Variants in TSHZ3 observed in about 807,000 individuals in gnomAD.
TSHZ3 encodes teashirt homolog 3.
Under a neutral mutation model 64.5 loss-of-function variants are expected in TSHZ3, and 10 were observed. The observed-to-expected ratio is 0.16, with a 90% CI of 0.10 to 0.26. TSHZ3 has a LOEUF of 0.26. Among genes scored for constraint, TSHZ3 ranks in the 10% least tolerant of loss-of-function variants. The pLI, the probability that TSHZ3 is intolerant of heterozygous loss-of-function variation, is 1.00. For synonymous variants in TSHZ3, 608 were observed against 593.1 expected (o/e 1.03, Z -0.36); for missense variants, 1,242 against 1,421.7 (o/e 0.87, Z 2.03).
At chr19:31,190,300 G>T (rs930940009) in intron 5 of TSHZ3, among the ~76,000 whole-genome samples, 5 of 152,242 alleles carry the variant, frequency 3.3e-5, no homozygotes, top group East Asian at 1.9e-4. Flanking sequence ...GACCTTGGAG[G>T]GGGGAAAGAA....
chr19:31,152,575 C>T (rs1032159576), intron 6 of TSHZ3, among the ~76,000 whole-genome samples: 1 of 152,088 alleles, frequency 6.6e-6, no homozygotes, highest in African/African-American at 2.4e-5. Flanking sequence ...CTGGACCTCA[C>T]CAAGGATGTT....
rs1160334453 is a variant in TSHZ3 at position 31,340,338 on chromosome 19, CAAAAAAAAAAAAA to C, written c.40+8829_40+8841del. 1.8e-4 allele frequency among the ~76,000 whole-genome samples: 6 copies of C among 32,754 alleles called. No individual in the cohort carries two copies. In the South Asian group the frequency reaches 9.1e-3, roughly 50 times the overall value. The allele number at this position is 32,754 out of a possible 152,430, so 21.5% of individuals were successfully genotyped here. ...ATTAATTAGCAACAGGCCTACAGTACAAAAAAAAAAAAAAAAAAAAAAAAAACCACAGACTTCC... is the reference window on the plus strand; with the variant it reads ...ATTAATTAGCAACAGGCCTACAGTACAAAAAAAAAAAAACCACAGACTTCC... On this transcript the variant is annotated intron_variant, in intron 1 of 1. Coordinates refer to ENST00000240587, the MANE Select transcript of TSHZ3 (RefSeq NM_020856.4).
chr19:31,165,388 C>A (rs1458742276), intron 5 of TSHZ3, among the ~76,000 whole-genome samples: 1 of 152,042 alleles, frequency 6.6e-6, no homozygotes, highest in African/African-American at 2.4e-5. Flanking sequence ...CATTTTTTTT[C>A]ATGACATGAA....
At chr19:31,341,627 T>A (rs1189339773) in intron 1 of TSHZ3, among the ~76,000 whole-genome samples, 313 of 116,692 alleles carry the variant, frequency 2.7e-3, no homozygotes, top group Non-Finnish European at 4.0e-3. Flanking sequence ...TCTCTCTCTC[T>A]CTGACACACA....
downstream of TSHZ3, among the ~76,000 whole-genome samples, chr19:31,274,446 C>T (rs2145208424): frequency 6.6e-6 from 1 of 152,230 alleles, no homozygotes; most frequent in Non-Finnish European, 1.5e-5. Flanking sequence ...AACCTTGGGA[C>T]CCCAAAGTCT....
At chr19:31,306,524 T>C (rs934802106) in intron 1 of TSHZ3, among the ~76,000 whole-genome samples, 2 of 152,204 alleles carry the variant, frequency 1.3e-5, no homozygotes, top group African/African-American at 4.8e-5. Context: ...CACGTGCACG[T>C]GCGTGGGTGC....
In TSHZ3 at chr19:31,237,692, T is replaced by G. The variant is rs114607638; in HGVS notation, n.550+4577A>C. Among the ~76,000 whole-genome samples the G allele has an allele frequency of 3.5e-3, 538 of 152,320 alleles. 2 individuals are homozygous for G. Among genetic ancestry groups the G allele is most frequent in the African/African-American group, 0.012 (510 of 41,582 alleles). On this transcript the variant is annotated intron_variant and non_coding_transcript_variant, in intron 3 of 6. Transcript: ENST00000651361. ...GTCTATAAAATAGAAACATCAATAATTGGTATTAAACCTTTTTCTTTTCTA... is the reference window on the plus strand; with the variant it reads ...GTCTATAAAATAGAAACATCAATAAGTGGTATTAAACCTTTTTCTTTTCTA...
At chr19:31,172,279 T>A (rs894316650) in intron 5 of TSHZ3, among the ~76,000 whole-genome samples, 2 of 152,150 alleles carry the variant, frequency 1.3e-5, no homozygotes, top group Non-Finnish European at 2.9e-5. Flanking sequence ...AATGTGCTCA[T>A]CTGTAAAATG....
chr19:31,307,872 C>T (rs1012556608), intron 1 of TSHZ3, among the ~76,000 whole-genome samples: 21 of 152,094 alleles, frequency 1.4e-4, no homozygotes, highest in African/African-American at 4.8e-4. Context: ...TTTGGACAGG[C>T]CTGATCAAAA....
chr19:31,299,011 A>G (rs551234755), intron 1 of TSHZ3, among the ~76,000 whole-genome samples: 3 of 152,314 alleles, frequency 2.0e-5, no homozygotes, highest in Admixed American at 2.0e-4. Flanking sequence ...CCTGGCCAAC[A>G]TGGAGAAACC....
chr19:31,252,799 T>C (rs933256335), intron 1 of TSHZ3, among the ~76,000 whole-genome samples: 1 of 152,196 alleles, frequency 6.6e-6, no homozygotes, highest in Non-Finnish European at 1.5e-5. Flanking sequence ...GACTAATACA[T>C]TGGCAAAGAC....
intron 6 of TSHZ3, among the ~76,000 whole-genome samples, chr19:31,154,711 C>A: frequency 6.6e-6 from 1 of 152,188 alleles, no homozygotes; most frequent in East Asian, 1.9e-4. Flanking sequence ...GCTTGAACTT[C>A]CCGAGGTTCC....
intron 1 of TSHZ3, among the ~76,000 whole-genome samples, chr19:31,263,485 G>A (rs960733059): frequency 2.6e-5 from 4 of 152,238 alleles, no homozygotes; most frequent in African/African-American, 9.6e-5. Context: ...AGGCATGAAG[G>A]AAAGCTGCCT....
At chr19:31,201,872 C>T (rs1975092028) in intron 5 of TSHZ3, among the ~76,000 whole-genome samples, 1 of 152,004 alleles carries the variant, frequency 6.6e-6, no homozygotes, top group African/African-American at 2.4e-5. Context: ...ATTAAAAACC[C>T]ATAAAAAGTC....
chr19:31,325,359 T>G (rs937147377), intron 1 of TSHZ3, among the ~76,000 whole-genome samples: 2 of 152,174 alleles, frequency 1.3e-5, no homozygotes, highest in African/African-American at 4.8e-5. Context: ...TCCTATGAAT[T>G]TACCTATTTG....
chr19:31,180,133 A>G (rs1333519316), intron 5 of TSHZ3, among the ~76,000 whole-genome samples: 9 of 152,140 alleles, frequency 5.9e-5, no homozygotes, highest in African/African-American at 2.2e-4. Flanking sequence ...TCCTCTAGGT[A>G]AGTTTAGTAT....
At chr19:31,350,234 G>A (rs1050729136), upstream of TSHZ3, among the ~76,000 whole-genome samples, 33 of 150,548 alleles carry the variant, frequency 2.2e-4, no homozygotes, top group Admixed American at 3.9e-4. Context: ...GCCGGGGCGG[G>A]TGGGGGCAGC....
chr19:31,206,381 A>G (rs1175019031), intron 4 of TSHZ3, among the ~76,000 whole-genome samples: 1 of 152,144 alleles, frequency 6.6e-6, no homozygotes, highest in East Asian at 1.9e-4. Context: ...GGATAGGTGG[A>G]GAGATGGATG....
chr19:31,186,316 G>A (rs753505804), intron 5 of TSHZ3, among the ~76,000 whole-genome samples: 3 of 152,136 alleles, frequency 2.0e-5, no homozygotes, highest in Non-Finnish European at 4.4e-5. Context: ...ATGTGTCACG[G>A]GAAGGACCTG....
Sources: gnomAD v4.1 joint callset for allele counts (sites outside exome capture counted in the v4.1 genomes callset) on GRCh38, gnomAD v4.1.1 for gene constraint, MANE v1.5 for transcripts, NCBI Gene and HGNC (gene_info 2026-07-23, HGNC 2026-07-21) for gene names.